The following MTRR variants were observed in gnomAD, a reference collection of about 807,000 sequenced individuals.
The protein encoded by MTRR is 5-methyltetrahydrofolate-homocysteine methyltransferase reductase.
In MTRR, 63 loss-of-function variants were observed where a neutral mutation model predicts 79.2. That is an observed-to-expected ratio of 0.80 (90% CI 0.65 to 0.98). MTRR has a LOEUF of 0.98. MTRR is among the 50% of genes least tolerant of loss of function. The pLI, the probability that MTRR is intolerant of heterozygous loss-of-function variation, is 0.00. For missense variants in MTRR, 895 were observed against 839.6 expected (o/e 1.07, Z -0.82); for synonymous variants, 355 against 313.3 (o/e 1.13, Z -1.41).
At chr5:7,861,491 A>C in intron 1 of MTRR, 1 of 901,286 alleles carries the variant, frequency 1.1e-6, no homozygotes, top group Non-Finnish European at 1.6e-6. Context: ...CCAGAATCAT[A>C]TCTATTTTTT....
At position 7,877,926 on chromosome 5, in the gene MTRR, T is replaced by C. The variant is rs1397640781; in HGVS notation, c.402-18T>C. The stretch of plus-strand genomic sequence containing the variant: ...ACTTAGGCATTTGTTTTGTTTTTCG[T>C]TTGTTTTTACTGTCCAGTTTAGAAC... On this transcript the variant is annotated intron_variant, in intron 4 of 14. Transcript: ENST00000440940. 2.7e-5 allele frequency: 43 copies of C among 1,610,846 alleles called. No homozygotes were observed. The highest frequency in any genetic ancestry group is 3.6e-5 in the Non-Finnish European group (43 of 1,179,968).
At position 7,896,813 on chromosome 5, in the gene MTRR, T is replaced by C. The variant is rs773257537; in HGVS notation, c.1677-51T>C. ...GGTAGTTCCTAATGAAAGAGATTGGTTTTACATATTCTTTATATCACACAC... is the reference window on the plus strand; with the variant it reads ...GGTAGTTCCTAATGAAAGAGATTGGCTTTACATATTCTTTATATCACACAC... On this transcript the variant is annotated intron_variant, in intron 12 of 14. Coordinates refer to ENST00000440940, the MANE Select transcript of MTRR (RefSeq NM_002454.3). The C allele has an allele frequency of 4.9e-6, 7 of 1,437,752 alleles. No homozygotes were observed. The East Asian group carries it at 1.6e-4, about 33-fold the overall frequency. The allele number at this position is 1,437,752 out of a possible 1,614,324, so 89.1% of individuals were successfully genotyped here. A position where few individuals can be genotyped will look rare whatever the true frequency, so the allele number is the denominator to read the frequency against.
rs1489645588 is a variant in MTRR at position 7,878,028 on chromosome 5, G to T, written c.486G>T (p.Glu162Asp). Residue 162 changes from glutamate (E) to aspartate (D), a missense_variant, in exon 5 of 15, where the codon GAG becomes GAT. Glu to Asp is a conservative substitution (Grantham distance 45). Coordinates refer to ENST00000440940, the MANE Select transcript of MTRR (RefSeq NM_002454.3). Reference sequence around the variant, plus strand: ...TTAGGTCAAGCAGAGGACAAGAGGAGATAAGTGGCGCACTCCCGGTGGCAT... The same window carrying T: ...TTAGGTCAAGCAGAGGACAAGAGGATATAAGTGGCGCACTCCCGGTGGCAT... ...KHFRSSRGQE[E>D]ISGALPVASP... The T allele has an allele frequency of 3.7e-6, 6 of 1,613,762 alleles. No individual in the cohort carries two copies. Among genetic ancestry groups the T allele is most frequent in the Non-Finnish European group, 5.1e-6 (6 of 1,180,012 alleles).
chr5:7,851,262 C>G (rs556514802), exon 1 of MTRR: 1 of 401,500 alleles, frequency 2.5e-6, no homozygotes, highest in South Asian at 1.4e-4. Flanking sequence ...GTCTCTCCTT[C>G]CTTCCTCCTC....
At chr5:7,856,746 A>G (rs1186870195) in intron 1 of MTRR, 7 of 147,396 alleles carry the variant, frequency 4.7e-5, no homozygotes, top group African/African-American at 1.8e-4. Flanking sequence ...TCTGGTAGGT[A>G]TACTTTTTTT....
At chr5:7,884,912 G>T (rs1232743570) in intron 6 of MTRR, among the ~76,000 whole-genome samples, 2 of 152,158 alleles carry the variant, frequency 1.3e-5, no homozygotes, top group Non-Finnish European at 1.5e-5. Flanking sequence ...AGATGGTTTT[G>T]CATCCATAAA....
intron 5 of MTRR, among the ~76,000 whole-genome samples, chr5:7,880,681 A>C (rs1448783619): frequency 1.3e-5 from 2 of 152,180 alleles, no homozygotes; most frequent in African/African-American, 4.8e-5. Context: ...CGTCAAATTC[A>C]GAGACTTCTT....
intron 1 of MTRR, among the ~76,000 whole-genome samples, chr5:7,852,690 G>T (rs1746110739): frequency 6.6e-6 from 1 of 151,814 alleles, no homozygotes; most frequent in African/African-American, 2.4e-5. Flanking sequence ...TGAAAGGCAT[G>T]ACTCATACTT....
In MTRR at chr5:7,869,799, A is replaced by G. The variant is rs148423418; in HGVS notation, c.-26+584A>G. 1.2e-3 allele frequency: 198 copies of G among 159,108 alleles called. 2 individuals carry two copies. Among genetic ancestry groups the G allele is most frequent in the Middle Eastern group, 6.6e-3 (5 of 752 alleles). 9.9% of individuals were successfully genotyped at this position (159,108 alleles called of 1,614,324 possible). A position where few individuals can be genotyped will look rare whatever the true frequency, so the allele number is the denominator to read the frequency against. The stretch of plus-strand genomic sequence containing the variant: ...GCCCTCAGGATGTGTGTTTCATGGG[A>G]AGTGATAGAAATTTTAGCTGTAGTA... On this transcript the variant is annotated intron_variant, in intron 1 of 14. Coordinates refer to ENST00000440940, the MANE Select transcript of MTRR (RefSeq NM_002454.3).
chr5:7,890,326 C>G, intron 9 of MTRR: 1 of 985,180 alleles, frequency 1.0e-6, no homozygotes, highest in South Asian at 4.7e-5. Flanking sequence ...CTGCTCTTCT[C>G]ACCATCCTGT....
At position 7,899,308 on chromosome 5, in the gene MTRR, C is replaced by A. The variant is rs148160421; in HGVS notation, c.1953-606C>A. ...ACTTCCTACCCTCAAACAACTTACT[C>A]CCTGGTGAGAAAGCTACATATAAAC... On this transcript the variant is annotated intron_variant, in intron 14 of 14. Transcript: ENST00000440940. Among the ~76,000 whole-genome samples the A allele has an allele frequency of 3.9e-5, 6 of 152,264 alleles. No homozygotes were observed. In the East Asian group the frequency reaches 1.2e-3, roughly 29 times the overall value.
Position 7,878,065 on chromosome 5 carries a change from T to C in MTRR, c.523T>C (p.Ser175Pro). Residue 175 changes from serine (S) to proline (P), a missense_variant, in exon 5 of 15, where the codon TCG becomes CCG. Physicochemically the swap from Ser to Pro is moderately conservative, Grantham distance 74 (BLOSUM62 -1). Transcript: ENST00000440940. ...ACTCCCGGTGGCATCACCTGCATCCTCGAGGACAGACCTTGTGAAGTCAGA... is the reference window on the plus strand; with the variant it reads ...ACTCCCGGTGGCATCACCTGCATCCCCGAGGACAGACCTTGTGAAGTCAGA... ...GALPVASPAS[S>P]RTDLVKSELL... 5.6e-6 allele frequency: 9 copies of C among 1,613,924 alleles called. No individual in the cohort carries two copies. The highest frequency in any genetic ancestry group is 6.8e-6 in the Non-Finnish European group (8 of 1,179,998).
At chr5:7,879,160 C>G (rs902620806) in intron 5 of MTRR, among the ~76,000 whole-genome samples, 1 of 152,036 alleles carries the variant, frequency 6.6e-6, no homozygotes, top group African/African-American at 2.4e-5. Flanking sequence ...TGTTTTTGCA[C>G]TTGTACTTCA....
At chr5:7,881,951 G>A (rs544237552) in intron 5 of MTRR, among the ~76,000 whole-genome samples, 24 of 152,286 alleles carry the variant, frequency 1.6e-4, no homozygotes, top group African/African-American at 4.6e-4. Context: ...TCTCACTGGT[G>A]TGGTGTTCTC....
intron 1 of MTRR, chr5:7,861,221 A>G: frequency 3.1e-6 from 5 of 1,612,438 alleles, no homozygotes; most frequent in Non-Finnish European, 4.2e-6. Flanking sequence ...AGTGTTTGCT[A>G]TTGGAGCAAA....
chr5:7,893,040 T>C lies in MTRR; in HGVS notation c.1557+127T>C, dbSNP rs142326984. 1.8e-5 allele frequency: 20 copies of C among 1,128,236 alleles called. No individual in the cohort carries two copies. The East Asian group carries it at 2.8e-4, about 16-fold the overall frequency. The allele number at this position is 1,128,236 out of a possible 1,614,324, so 69.9% of individuals were successfully genotyped here. A position where few individuals can be genotyped will look rare whatever the true frequency, so the allele number is the denominator to read the frequency against. ...GAAAATTTATGCTGTTCTTGAATTT[T>C]AAAATCTCTATTGCAAGAGCAGAAA... On this transcript the variant is annotated intron_variant, in intron 11 of 14. Transcript: ENST00000440940.
intron 14 of MTRR, among the ~76,000 whole-genome samples, chr5:7,897,765 A>G (rs150344238): frequency 0.017 from 2,551 of 152,328 alleles, 33 homozygotes; most frequent in Non-Finnish European, 0.025. Flanking sequence ...ACAGGAACCC[A>G]TAATTGCCAT....
chr5:7,895,875 G>A, intron 12 of MTRR, 23 bp downstream of exon 12: 1 of 1,613,818 alleles, frequency 6.2e-7, no homozygotes, highest in Non-Finnish European at 8.5e-7. Flanking sequence ...TTTGGCTAAT[G>A]GGAAAATGTA....
intron 5 of MTRR, among the ~76,000 whole-genome samples, chr5:7,882,426 C>A (rs950504194): frequency 3.3e-5 from 5 of 152,114 alleles, no homozygotes; most frequent in African/African-American, 1.2e-4. Flanking sequence ...ATCTCAGTAC[C>A]CCCACATTAT....
Sources: gnomAD v4.1 joint callset for allele counts (sites outside exome capture counted in the v4.1 genomes callset) on GRCh38, gnomAD v4.1.1 for gene constraint, MANE v1.5 for transcripts, NCBI Gene and HGNC (gene_info 2026-07-23, HGNC 2026-07-21) for gene names.